The following THNSL2 variants were observed in gnomAD, a reference collection of about 807,000 sequenced individuals.
The protein encoded by THNSL2 is threonine synthase-like 2.
In THNSL2, 34 loss-of-function variants were observed where a neutral mutation model predicts 40.0. The observed-to-expected ratio is 0.85, with a 90% CI of 0.65 to 1.13. The LOEUF (loss-of-function observed/expected upper bound fraction) is 1.13. Ranked by LOEUF, THNSL2 falls within the 50% of genes most tolerant of loss-of-function variation. The pLI, the probability that THNSL2 is intolerant of heterozygous loss-of-function variation, is 0.00. For synonymous variants in THNSL2, 241 were observed against 247.5 expected (o/e 0.97, Z 0.25); for missense variants, 537 against 608.8 (o/e 0.88, Z 1.24).
At chr2:88,185,790 C>G (rs1678224041) in intron 8 of THNSL2, 108 bp from the exon 9 acceptor site, 12 of 1,537,998 alleles carry the variant, frequency 7.8e-6, no homozygotes, top group Non-Finnish European at 1.1e-5. Flanking sequence ...CCTCCATACC[C>G]CCCCATCCCT....
intron 4 of THNSL2, 137 bp downstream of exon 4, chr2:88,175,538 T>G: frequency 8.7e-7 from 1 of 1,153,136 alleles, no homozygotes; most frequent in South Asian, 1.6e-5. Flanking sequence ...GAGGTTGGTG[T>G]GTATGCCTTG....
At chr2:88,174,616 T>C in intron 2 of THNSL2, 23 bp from the exon 3 acceptor site, 1 of 1,602,792 alleles carries the variant, frequency 6.2e-7, no homozygotes, top group East Asian at 2.2e-5. Flanking sequence ...CCTCATTGGC[T>C]ATCCACCCCA....
At position 88,182,966 on chromosome 2, in the gene THNSL2, A is replaced by G. The variant is rs17855905; in HGVS notation, c.970A>G (p.Arg324Gly). The change falls in exon 7 of 9, where the codon AGG (arginine) becomes GGG (glycine). Residue 324 changes from arginine to glycine, a missense_variant. Physicochemically the swap from Arg to Gly is moderately radical, Grantham distance 125. Transcript: ENST00000674334. ...MDIQVPYNME[R>G]VFWLLSGSDS... ...TGCTCAGGTGCCCTACAACATGGAG[A>G]GGGTGTTCTGGCTGCTCTCTGGCTC... 1.2e-6 allele frequency: 2 copies of G among 1,614,106 alleles called. No homozygotes were observed. The highest frequency in any genetic ancestry group is 1.7e-6 in the Non-Finnish European group (2 of 1,180,026).
intron 1 of THNSL2, chr2:88,171,427 T>G (rs1201786886): frequency 2.3e-6 from 1 of 429,008 alleles, no homozygotes; most frequent in Non-Finnish European, 4.7e-6. Flanking sequence ...AGGTGTGATA[T>G]TCCTTCCACC....
intron 4 of THNSL2, chr2:88,177,156 T>C (rs1677021950): frequency 6.6e-6 from 1 of 152,208 alleles, no homozygotes; most frequent in East Asian, 1.9e-4. Context: ...AAGGGGGTGT[T>C]TCTGTTGTGT....
At chr2:88,175,528 G>A (rs2292868) in intron 4 of THNSL2, 127 bp downstream of exon 4, 138,536 of 1,281,734 alleles carry the variant, frequency 0.11, 8,866 homozygotes, top group Admixed American at 0.23. Flanking sequence ...CATCATATTC[G>A]AGGTTGGTGT....
intron 3 of THNSL2, 136 bp from the exon 4 acceptor site, chr2:88,175,113 G>C: frequency 1.0e-6 from 1 of 986,340 alleles, no homozygotes; most frequent in Non-Finnish European, 1.5e-6. Flanking sequence ...GACCCTAGGT[G>C]GAGTGCTAGG....
At chr2:88,178,536 C>A (rs1352274816) in intron 4 of THNSL2, among the ~76,000 whole-genome samples, 2 of 152,152 alleles carry the variant, frequency 1.3e-5, no homozygotes, top group African/African-American at 4.8e-5. Flanking sequence ...TTCTGGCTAC[C>A]CTTTCTGTTC....
intron 5 of THNSL2, among the ~76,000 whole-genome samples, chr2:88,180,096 T>C (rs1338729777): frequency 6.6e-6 from 1 of 152,166 alleles, no homozygotes; most frequent in East Asian, 1.9e-4. Context: ...ATGCTCCCCA[T>C]TCCCATCGCC....
intron 4 of THNSL2, chr2:88,176,787 G>A (rs1020819837): frequency 2.0e-5 from 3 of 152,194 alleles, no homozygotes; most frequent in African/African-American, 7.2e-5. Flanking sequence ...GCTAATGCAG[G>A]TGTTGGTGTC....
chr2:88,183,776 T>C (rs1677959859), intron 7 of THNSL2: 1 of 118,924 alleles, frequency 8.4e-6, no homozygotes, highest in South Asian at 3.3e-4. Flanking sequence ...ATGGTACTTA[T>C]TCTGTGTTTA....
intron 1 of THNSL2, chr2:88,171,504 A>C: frequency 3.1e-6 from 1 of 327,820 alleles, no homozygotes; most frequent in Non-Finnish European, 6.2e-6. Flanking sequence ...TCCTGCCCTC[A>C]CTCCTGCGAT....
At chr2:88,184,011 C>G (rs1015590795) in intron 7 of THNSL2, among the ~76,000 whole-genome samples, 3 of 152,288 alleles carry the variant, frequency 2.0e-5, no homozygotes, top group African/African-American at 7.2e-5. Context: ...CCTCATTTAC[C>G]AAGTTAGTCT....
At chr2:88,172,422 T>G (rs1035805803) in intron 1 of THNSL2, 9 of 152,192 alleles carry the variant, frequency 5.9e-5, no homozygotes, top group Admixed American at 5.2e-4. Flanking sequence ...TCCACTAGGA[T>G]GACCAACCAT....
intron 7 of THNSL2, chr2:88,183,283 C>T (rs1237191159): frequency 1.8e-6 from 1 of 566,110 alleles, no homozygotes. Flanking sequence ...AGCTCAATCC[C>T]AAGTGAGCTC....
chr2:88,178,496 T>C (rs895228600), intron 4 of THNSL2, among the ~76,000 whole-genome samples: 3 of 152,230 alleles, frequency 2.0e-5, no homozygotes, highest in African/African-American at 7.2e-5. Context: ...GCTATCTTAT[T>C]TTAGATAATG....
Position 88,174,641 on chromosome 2 carries a change from C to G in THNSL2, c.226C>G (p.Leu76Val), listed in dbSNP as rs1412789180. 1 of 1,613,946 alleles carries G rather than the reference C, an allele frequency of 6.2e-7. No individual in the cohort carries two copies. The highest frequency in any genetic ancestry group is 2.2e-5 in the East Asian group (1 of 44,880). ...ELLPKDELND[L>V]IDRAFSRFRH... ...TATCCACCCCACTACCCTCACAGAT[C>G]TGATCGACCGAGCCTTCAGCAGATT... The change falls in exon 3 of 9, where the codon CTG (leucine) becomes GTG (valine). Residue 76 changes from leucine to valine, a missense_variant and splice_region_variant. Transcript: ENST00000674334.
At position 88,182,720 on chromosome 2, in the gene THNSL2, T is replaced by C. The variant is rs772724701; in HGVS notation, c.824T>C (p.Ile275Thr). ...TAAGCTGGGTACATTGCTCAAAAGA[T>C]AGGCCTGCCCATCCGTCTGGTCGTG... ...NLAAGYIAQK[I>T]GLPIRLVVAV... The change falls in exon 6 of 9, where the codon ATA becomes ACA. Residue 275 changes from isoleucine (I) to threonine (T), a missense_variant. Transcript: ENST00000674334. The C allele has an allele frequency of 9.3e-6, 15 of 1,613,302 alleles. No individual in the cohort carries two copies. The East Asian group carries it at 3.1e-4, about 34-fold the overall frequency.
In THNSL2 at chr2:88,173,196, G is replaced by A. The variant is rs752825797; in HGVS notation, c.46G>A (p.Glu16Lys). ...TRGVAPRVNF[E>K]GALFSGYAPD... ...GGGCGTAGCCCCACGGGTCAACTTT[G>A]AGGGGGCCCTCTTCTCTGGCTATGC... The change falls in exon 2 of 9, where the codon GAG becomes AAG. Residue 16 changes from glutamate to lysine, a missense_variant. Transcript: ENST00000674334. 4.4e-6 allele frequency: 7 copies of A among 1,604,710 alleles called. No homozygotes were observed. Among genetic ancestry groups the A allele is most frequent in the Non-Finnish European group, 6.0e-6 (7 of 1,174,854 alleles).
Sources: gnomAD v4.1 joint callset for allele counts (sites outside exome capture counted in the v4.1 genomes callset) on GRCh38, gnomAD v4.1.1 for gene constraint, MANE v1.5 for transcripts, NCBI Gene and HGNC (gene_info 2026-07-23, HGNC 2026-07-21) for gene names.